Variants in MEI1 observed in about 807,000 individuals in gnomAD.
The protein encoded by MEI1 is meiotic double-stranded break formation protein 1.
In MEI1, 103 loss-of-function variants were observed where a neutral mutation model predicts 146.2. The ratio of observed to expected loss-of-function variants is 0.70; its 90% CI spans 0.60 to 0.83. The LOEUF is 0.83. Ranked by LOEUF, MEI1 falls within the 40% of genes least tolerant of loss-of-function variation. The probability of loss-of-function intolerance (pLI) is 0.00; values close to 1 mark genes in which losing one functional copy is unlikely to be tolerated. For synonymous variants in MEI1, 652 were observed against 628.2 expected (o/e 1.04, Z -0.57); for missense variants, 1,529 against 1,533.0 (o/e 1.00, Z 0.04).
At chr22:41,757,623 C>T (rs1042487228) in intron 17 of MEI1, among the ~76,000 whole-genome samples, 7 of 152,132 alleles carry the variant, frequency 4.6e-5, no homozygotes, top group Admixed American at 4.6e-4. Context: ...TCCCAAAGTG[C>T]TGGGATTACA....
chr22:41,779,105 G>A lies in MEI1; in HGVS notation c.2815+293G>A, dbSNP rs2075621369. Among the ~76,000 whole-genome samples, 8 of 152,022 alleles carry A rather than the reference G, an allele frequency of 5.3e-5. No individual in the cohort carries two copies. In the South Asian group the frequency reaches 1.7e-3, roughly 31 times the overall value. ...TTTGGGTGTTTGAGGCCGGAGGATT[G>A]TTTGAAGCCAGGAGTTCAAGACCAG... is the stretch of plus-strand genomic sequence containing the variant. On this transcript the variant is annotated intron_variant, in intron 22 of 30. Coordinates refer to ENST00000401548, the MANE Select transcript of MEI1 (RefSeq NM_152513.4).
At position 41,723,689 on chromosome 22, in the gene MEI1, G is replaced by A. The variant is rs183466506; in HGVS notation, c.734-254G>A. ...CCTCATGAAACTTATAGTTGAGTGA[G>A]GCAGTCGGGCTATGTTTATCTTGCT... is the stretch of plus-strand genomic sequence containing the variant. On this transcript the variant is annotated intron_variant, in intron 6 of 30. Coordinates refer to ENST00000401548, the MANE Select transcript of MEI1 (RefSeq NM_152513.4). 1.7e-3 allele frequency among the ~76,000 whole-genome samples: 254 copies of A among 152,318 alleles called. 2 individuals are homozygous for A. Among genetic ancestry groups the A allele is most frequent in the Non-Finnish European group, 2.6e-4 (18 of 68,044 alleles).
chr22:41,796,946 G>GA (rs983935676), intron 30 of MEI1, among the ~76,000 whole-genome samples: 8 of 150,742 alleles, frequency 5.3e-5, no homozygotes, highest in African/African-American at 1.5e-4. Context: ...CTCTGTCCCA[G>GA]AAAAAAAACA....
chr22:41,740,599 GT>G lies in MEI1; in HGVS notation c.1332-2480del, dbSNP rs1409542767. 4.6e-5 allele frequency among the ~76,000 whole-genome samples: 7 copies of G among 152,170 alleles called. No homozygotes were observed. In the East Asian group the frequency reaches 9.7e-4, roughly 21 times the overall value. ...TCTACAAAAATTATCCAAGCTTGGT[GT>G]ATGCCTGTAGTCCCGGCTACTCAAG... On this transcript the variant is annotated intron_variant, in intron 11 of 30. Coordinates refer to ENST00000401548, the MANE Select transcript of MEI1 (RefSeq NM_152513.4).
chr22:41,785,215 G>A (rs991276894), intron 26 of MEI1, among the ~76,000 whole-genome samples: 6 of 151,338 alleles, frequency 4.0e-5, no homozygotes, highest in South Asian at 2.1e-4. Flanking sequence ...GATTACAGAC[G>A]TGAGCCACCG....
chr22:41,799,174 C>T, intron 30 of MEI1, 80 bp from the exon 31 acceptor site: 4 of 1,356,304 alleles, frequency 2.9e-6, no homozygotes, highest in Non-Finnish European at 4.2e-6. Context: ...CCATTCTTGA[C>T]TGTTTTGGGC....
At chr22:41,726,002 G>A (rs568706502) in intron 7 of MEI1, among the ~76,000 whole-genome samples, 133 of 152,274 alleles carry the variant, frequency 8.7e-4, no homozygotes, top group African/African-American at 3.0e-3. Context: ...AAGGGAGGCC[G>A]GGTGCAGTGG....
chr22:41,708,784 A>G (rs1422717136), intron 3 of MEI1, among the ~76,000 whole-genome samples: 1 of 152,206 alleles, frequency 6.6e-6, no homozygotes, highest in Non-Finnish European at 1.5e-5. Flanking sequence ...CATCACTGGA[A>G]AGTCTAGATT....
In MEI1 at chr22:41,745,904, A is replaced by C; in HGVS notation, c.1558A>C (p.Ser520Arg). The C allele has an allele frequency of 6.2e-7, 1 of 1,611,184 alleles. No homozygotes were observed. The highest frequency in any genetic ancestry group is 8.5e-7 in the Non-Finnish European group (1 of 1,177,882). Residue 520 changes from serine to arginine, a missense_variant, in exon 14 of 31, where the codon AGT becomes CGT. This residue lies in a region of MEI1 where 1,212 missense variants were observed against 1,178.9 expected (regional missense o/e 1.03). Coordinates refer to ENST00000401548, the MANE Select transcript of MEI1 (RefSeq NM_152513.4). ...SACRLAIEFQ[S>R]EPSAQENPFT... ...TCTTAGGTTGGCTATAGAATTCCAG[A>C]GTGAGCCTTCAGCCCAGGAGAATCC...
At chr22:41,717,894 G>T (rs2070361435) in intron 5 of MEI1, among the ~76,000 whole-genome samples, 177 bp from the exon 6 acceptor site, 1 of 152,194 alleles carries the variant, frequency 6.6e-6, no homozygotes, top group Non-Finnish European at 1.5e-5. Flanking sequence ...GGGATTACAG[G>T]TGTGAGTTAC....
At chr22:41,736,706 A>G (rs1024689887) in intron 11 of MEI1, among the ~76,000 whole-genome samples, 6 of 152,120 alleles carry the variant, frequency 3.9e-5, no homozygotes, top group Non-Finnish European at 5.9e-5. Flanking sequence ...CCTCTCTCTC[A>G]TAAGGCTACT....
chr22:41,785,921 T>A (rs2075964838), intron 26 of MEI1, among the ~76,000 whole-genome samples: 1 of 143,910 alleles, frequency 6.9e-6, no homozygotes, highest in South Asian at 2.2e-4. Flanking sequence ...TTTTATTTTT[T>A]TTTTTTTGAG....
At chr22:41,763,781 A>T (rs2074663858) in intron 19 of MEI1, among the ~76,000 whole-genome samples, 2 of 151,936 alleles carry the variant, frequency 1.3e-5, no homozygotes, top group South Asian at 4.2e-4. Context: ...AAATTAAAAA[A>T]AAACAACAAC....
chr22:41,772,371 G>C (rs113362181), intron 20 of MEI1, among the ~76,000 whole-genome samples: 1 of 152,124 alleles, frequency 6.6e-6, no homozygotes, highest in African/African-American at 2.4e-5. Context: ...GGCTGGGCGT[G>C]GCAGCTCATG....
chr22:41,794,576 AAAG>A lies in MEI1; in HGVS notation c.3534+103_3534+105del, dbSNP rs1027315870. The A allele has an allele frequency of 8.0e-5, 79 of 988,052 alleles. No individual in the cohort carries two copies. The African/African-American group carries it at 1.1e-3, about 13-fold the overall frequency. The allele number at this position is 988,052 out of a possible 1,614,324, so 61.2% of individuals were successfully genotyped here. On this transcript the variant is annotated intron_variant, in intron 28 of 30. Transcript: ENST00000401548. ...CTTACTTTAGGTAACCCTAATCCTT[AAAG>A]AAGGTGGAAGGGCTCGGCAGGCCTT... is the stretch of plus-strand genomic sequence containing the variant.
At chr22:41,783,720 G>T (rs1000326774) in intron 24 of MEI1, among the ~76,000 whole-genome samples, 1 of 152,150 alleles carries the variant, frequency 6.6e-6, no homozygotes, top group Non-Finnish European at 1.5e-5. Flanking sequence ...GGAATCTGTC[G>T]TCCAGGCTGG....
At chr22:41,786,609 T>C (rs532457119) in intron 26 of MEI1, among the ~76,000 whole-genome samples, 1 of 152,314 alleles carries the variant, frequency 6.6e-6, no homozygotes, top group South Asian at 2.1e-4. Context: ...CAGAATTGAG[T>C]CTCATTAGGC....
chr22:41,750,323 A>T (rs2073662649), intron 15 of MEI1, among the ~76,000 whole-genome samples: 1 of 152,188 alleles, frequency 6.6e-6, no homozygotes, highest in Non-Finnish European at 1.5e-5. Context: ...AAATGAAGAG[A>T]GTTTTGTGGA....
At chr22:41,720,196 A>G (rs1416679148) in intron 6 of MEI1, among the ~76,000 whole-genome samples, 1 of 152,062 alleles carries the variant, frequency 6.6e-6, no homozygotes, top group Non-Finnish European at 1.5e-5. Context: ...TGAGTCCTAA[A>G]TTGGGGGGGA....
Sources: gnomAD v4.1 joint callset for allele counts (sites outside exome capture counted in the v4.1 genomes callset) on GRCh38, gnomAD v4.1.1 for gene constraint, gnomAD v4.1.1 regional missense constraint, MANE v1.5 for transcripts, NCBI Gene and HGNC (gene_info 2026-07-23, HGNC 2026-07-21) for gene names.